Variants in ARL10 observed in about 807,000 individuals in gnomAD.
The protein encoded by ARL10 is ARF like GTPase 10, also known as ADP-ribosylation factor-like protein 10.
A neutral mutation model predicts 26.1 loss-of-function variants in ARL10; 23 were observed. The observed-to-expected ratio is 0.88, with a 90% CI of 0.63 to 1.25. ARL10 has a LOEUF of 1.25. ARL10 is among the 50% of genes most tolerant of loss of function. The pLI, the probability that ARL10 is intolerant of heterozygous loss-of-function variation, is 0.00. For missense variants in ARL10, 300 were observed against 323.6 expected (o/e 0.93, Z 0.56); for synonymous variants, 138 against 149.1 (o/e 0.93, Z 0.54).
Position 176,365,743 on chromosome 5 carries a change from G to T in ARL10, c.180G>T (p.Trp60Cys). ...EAARLPEWDEWDPEDEEDEEP... is the reference protein window; with the variant it reads ...EAARLPEWDECDPEDEEDEEP... Reference sequence around the variant, plus strand: ...CCCGCCTCCCCGAGTGGGACGAGTGGGACGTGAGTGCCGGGCCGAGGCCTG... The same window carrying T: ...CCCGCCTCCCCGAGTGGGACGAGTGTGACGTGAGTGCCGGGCCGAGGCCTG... Residue 60 changes from tryptophan (W) to cysteine (C), a missense_variant, in exon 1 of 4, where the codon TGG (tryptophan) becomes TGT (cysteine). Coordinates refer to ENST00000310389, the MANE Select transcript of ARL10 (RefSeq NM_173664.6). 2.4e-6 allele frequency: 3 copies of T among 1,236,118 alleles called. No homozygotes were observed. Among genetic ancestry groups the T allele is most frequent in the Non-Finnish European group, 3.0e-6 (3 of 989,310 alleles). The allele number at this position is 1,236,118 out of a possible 1,614,324, so 76.6% of individuals were successfully genotyped here.
the ARL10 span, among the ~76,000 whole-genome samples, chr5:176,408,180 C>T: frequency 6.6e-6 from 1 of 150,816 alleles, no homozygotes; most frequent in Non-Finnish European, 1.5e-5. Flanking sequence ...TAGGTGGGTG[C>T]GGACAGAAGC....
chr5:176,381,862 C>T lies in ARL10; in HGVS notation c.*9967C>T, dbSNP rs747265174. The T allele has an allele frequency of 2.0e-5, 3 of 152,152 alleles. No individual in the cohort carries two copies. Among genetic ancestry groups the T allele is most frequent in the Non-Finnish European group, 4.4e-5 (3 of 68,020 alleles). 9.4% of individuals were successfully genotyped at this position (152,152 alleles called of 1,614,324 possible). A position where few individuals can be genotyped will look rare whatever the true frequency, so the allele number is the denominator to read the frequency against. On this transcript the variant is annotated 3_prime_UTR_variant, in exon 4 of 4. Coordinates refer to ENST00000310389, the MANE Select transcript of ARL10 (RefSeq NM_173664.6). ...GAATATATTGTACAATTTTTAAAGT[C>T]CCCAGTTGTGGGAGGTGAACTTGAA...
chr5:176,366,830 CAG>C (rs1768327229), intron 2 of ARL10, among the ~76,000 whole-genome samples: 1 of 152,108 alleles, frequency 6.6e-6, no homozygotes, highest in Non-Finnish European at 1.5e-5. Context: ...AGGCCTAACA[CAG>C]AGATACTAAC....
rs551551330 is a variant in ARL10 at position 176,393,936 on chromosome 5, A to G, written c.134-7805A>G. On this transcript the variant is annotated intron_variant, in intron 1 of 1. Transcript: ENST00000514533. This position sits in a 1 kb window ranked among gnomAD's most constrained non-coding sequence, Gnocchi z 4.4. Reference sequence around the variant, plus strand: ...CCCTGGAAGCCCCCTCTCCATCTCAAGCAGGACCAGTTCTGCCGATGCCAG... The same window carrying G: ...CCCTGGAAGCCCCCTCTCCATCTCAGGCAGGACCAGTTCTGCCGATGCCAG... 6.6e-6 allele frequency among the ~76,000 whole-genome samples: 1 copy of G among 152,300 alleles called. No individual in the cohort carries two copies. The highest frequency in any genetic ancestry group is 6.5e-5 in the Admixed American group (1 of 15,302).
rs1216975400 is a variant in ARL10 at position 176,370,275 on chromosome 5, TC to T, written c.561+1295del. On this transcript the variant is annotated intron_variant, in intron 3 of 3. Coordinates refer to ENST00000310389, the MANE Select transcript of ARL10 (RefSeq NM_173664.6). The stretch of plus-strand genomic sequence containing the variant: ...CTTGAACTCAGATATTCTTCAAAGT[TC>T]CTCCTCTTAACCAGTGTGCTGTACC... 2.6e-5 allele frequency among the ~76,000 whole-genome samples: 4 copies of T among 152,278 alleles called. No individual in the cohort carries two copies. In the East Asian group the frequency reaches 7.7e-4, roughly 29 times the overall value.
rs964019706 is a variant in ARL10, at chr5:176,380,988, A to C, written c.*9093A>C. On this transcript the variant is annotated 3_prime_UTR_variant, in exon 4 of 4. Transcript: ENST00000310389. ...TTGCCATGTTGCCCAGGCTGGTCTC[A>C]AACTTGTGAGCTCAAGAGATCTTCC... 1 of 151,804 alleles carries C rather than the reference A, an allele frequency of 6.6e-6. No homozygotes were observed. Among genetic ancestry groups the C allele is most frequent in the African/African-American group, 2.4e-5 (1 of 41,292 alleles). 9.4% of individuals were successfully genotyped at this position (151,804 alleles called of 1,614,324 possible). A position where few individuals can be genotyped will look rare whatever the true frequency, so the allele number is the denominator to read the frequency against.
intron 3 of ARL10, among the ~76,000 whole-genome samples, chr5:176,369,509 AG>A (rs1768462448): frequency 6.6e-6 from 1 of 152,200 alleles, no homozygotes; most frequent in Non-Finnish European, 1.5e-5. Context: ...CTGGAATTAT[AG>A]GCATGAGTCA....
chr5:176,387,031 G>A, intron 1 of ARL10: 1 of 792,196 alleles, frequency 1.3e-6, no homozygotes, highest in Non-Finnish European at 2.1e-6. Flanking sequence ...GGTAGAAGTA[G>A]GTAACAATGA....
downstream of ARL10, chr5:176,406,183 C>G (rs1757113005): frequency 1.7e-5 from 17 of 993,376 alleles, no homozygotes; most frequent in Non-Finnish European, 2.0e-5. Flanking sequence ...GGAGATCAGT[C>G]ATGGCCAGGA....
intron 1 of ARL10, chr5:176,401,645 T>C (rs778597472): frequency 3.4e-5 from 15 of 442,448 alleles, no homozygotes; most frequent in Non-Finnish European, 6.9e-5. Context: ...GAAAGGGCAG[T>C]GGGGGCTGCC....
Position 176,393,795 on chromosome 5 carries a change from C to T in ARL10, c.134-7946C>T, listed in dbSNP as rs1756364862. On this transcript the variant is annotated intron_variant, in intron 1 of 1. Coordinates refer to the ARL10 transcript ENST00000514533. This position sits in a 1 kb window ranked among gnomAD's most constrained non-coding sequence, Gnocchi z 4.4. ...GGGACAGTGGGGAAACAAGTAAATACAGTCTAGTGGACAAAATCTACACGT... is the reference window on the plus strand; with the variant it reads ...GGGACAGTGGGGAAACAAGTAAATATAGTCTAGTGGACAAAATCTACACGT... 6.6e-6 allele frequency among the ~76,000 whole-genome samples: 1 copy of T among 151,838 alleles called. No homozygotes were observed. Among genetic ancestry groups the T allele is most frequent in the Non-Finnish European group, 1.5e-5 (1 of 67,964 alleles).
At chr5:176,385,661 C>T (rs1243350961), downstream of ARL10, among the ~76,000 whole-genome samples, 1 of 152,220 alleles carries the variant, frequency 6.6e-6, no homozygotes, top group Non-Finnish European at 1.5e-5. Flanking sequence ...GATGAAGGCA[C>T]ATACCTGCCC....
chr5:176,388,408 C>T, exon 2 of ARL10: 1 of 1,613,466 alleles, frequency 6.2e-7, no homozygotes, highest in Non-Finnish European at 8.5e-7. Flanking sequence ...AGGCCCACGG[C>T]CACCCGGAAC....
the ARL10 span, among the ~76,000 whole-genome samples, chr5:176,412,956 C>G: frequency 6.6e-6 from 1 of 152,168 alleles, no homozygotes; most frequent in African/African-American, 2.4e-5. Flanking sequence ...TTGCACCACC[C>G]TACTCCGCCC....
downstream of ARL10, among the ~76,000 whole-genome samples, chr5:176,404,612 C>A (rs1757011310): frequency 6.6e-6 from 1 of 152,222 alleles, no homozygotes; most frequent in African/African-American, 2.4e-5. Context: ...CGGTGTCCTG[C>A]CCCAGTCCCA....
downstream of ARL10, chr5:176,386,743 T>G (rs1446963496): frequency 1.7e-5 from 18 of 1,042,068 alleles, no homozygotes; most frequent in Non-Finnish European, 2.7e-5. Context: ...CTCTGAAACT[T>G]GGTTTCTCCA....
At chr5:176,401,619 GC>G (rs1284550349) in intron 1 of ARL10, 1 of 418,644 alleles carries the variant, frequency 2.4e-6, no homozygotes, top group African/African-American at 2.0e-5. Context: ...CGAGACCTCA[GC>G]CTTTAGGTCT....
chr5:176,390,929 T>A (rs541573853), downstream of ARL10, among the ~76,000 whole-genome samples: 1 of 152,340 alleles, frequency 6.6e-6, no homozygotes, highest in South Asian at 2.1e-4. Flanking sequence ...TGTTAGTTCC[T>A]CCTTCATGTA....
At position 176,368,169 on chromosome 5, in the gene ARL10, C is replaced by T; in HGVS notation, c.386-638C>T. Reference sequence around the variant, plus strand: ...GAGCAGAGAGGAAAAGAAAGGTGATCCAGGCTGGGGGACTGTGTTGGCAAC... The same window carrying T: ...GAGCAGAGAGGAAAAGAAAGGTGATTCAGGCTGGGGGACTGTGTTGGCAAC... On this transcript the variant is annotated intron_variant, in intron 2 of 3. Transcript: ENST00000310389. This position sits in a 1 kb window ranked among gnomAD's most constrained non-coding sequence, Gnocchi z 4.1. 1 of 398,620 alleles carries T rather than the reference C, an allele frequency of 2.5e-6. No homozygotes were observed. Among genetic ancestry groups the T allele is most frequent in the Admixed American group, 3.0e-5 (1 of 33,318 alleles). 24.7% of individuals were successfully genotyped at this position (398,620 alleles called of 1,614,324 possible). A position where few individuals can be genotyped will look rare whatever the true frequency, so the allele number is the denominator to read the frequency against.
Sources: gnomAD v4.1 joint callset for allele counts (sites outside exome capture counted in the v4.1 genomes callset) on GRCh38, gnomAD v4.1.1 for gene constraint, Gnocchi (gnomAD v3.1) non-coding constraint, MANE v1.5 for transcripts, NCBI Gene and HGNC (gene_info 2026-07-23, HGNC 2026-07-21) for gene names.